The following R3HDM1 variants were observed in gnomAD, a reference collection of about 807,000 sequenced individuals.
R3HDM1 encodes the protein R3H domain-containing protein 1.
In R3HDM1, 46 loss-of-function variants were observed where a neutral mutation model predicts 141.1. The ratio of observed to expected loss-of-function variants is 0.33; its 90% CI spans 0.26 to 0.42. The LOEUF (loss-of-function observed/expected upper bound fraction) is 0.42. Among genes scored for constraint, R3HDM1 ranks in the 10% least tolerant of loss-of-function variants. The pLI is 1.00. For synonymous variants in R3HDM1, 435 were observed against 472.9 expected (o/e 0.92, Z 1.04); for missense variants, 1,184 against 1,368.3 (o/e 0.87, Z 2.12).
chr2:135,533,143 C>T (rs1695299274), intron 1 of R3HDM1, among the ~76,000 whole-genome samples: 1 of 152,046 alleles, frequency 6.6e-6, no homozygotes, highest in East Asian at 1.9e-4. Context: ...TTTGTGGTAT[C>T]TATTAAAAAA....
At chr2:135,660,122 G>A (rs549545495) in intron 18 of R3HDM1, among the ~76,000 whole-genome samples, 2 of 152,322 alleles carry the variant, frequency 1.3e-5, no homozygotes, top group South Asian at 4.1e-4. Flanking sequence ...TGAGCTAGCT[G>A]TATATGTTTC....
intron 18 of R3HDM1, among the ~76,000 whole-genome samples, chr2:135,656,253 G>T (rs1366695268): frequency 6.6e-6 from 1 of 151,682 alleles, no homozygotes; most frequent in Non-Finnish European, 1.5e-5. Context: ...TATCTTACTT[G>T]CAACCCCTAT....
intron 21 of R3HDM1, among the ~76,000 whole-genome samples, chr2:135,701,424 A>G (rs190370598): frequency 6.6e-6 from 1 of 152,228 alleles, no homozygotes; most frequent in East Asian, 1.9e-4. Context: ...AAGTAAATAT[A>G]TACACATGCA....
chr2:135,566,369 C>T (rs983041066), intron 1 of R3HDM1, among the ~76,000 whole-genome samples: 4 of 152,100 alleles, frequency 2.6e-5, no homozygotes, highest in African/African-American at 4.8e-5. Context: ...TCTTACATAG[C>T]GTCTTTATGT....
At chr2:135,650,793 T>G (rs944981470) in intron 17 of R3HDM1, 2 of 984,180 alleles carry the variant, frequency 2.0e-6, no homozygotes, top group African/African-American at 3.5e-5. Flanking sequence ...TAATTTACTT[T>G]GGAAAATCCA....
intron 7 of R3HDM1, among the ~76,000 whole-genome samples, chr2:135,624,264 G>A (rs1316427151): frequency 5.3e-5 from 8 of 152,124 alleles, no homozygotes; most frequent in African/African-American, 1.2e-4. Flanking sequence ...GTGTGGTGGC[G>A]GGTGCCTGTA....
rs1030691703 is a variant in R3HDM1 at position 135,719,159 on chromosome 2, T to TTTAA, written c.2882-2746_2882-2743dup. 4.4e-4 allele frequency among the ~76,000 whole-genome samples: 65 copies of TTTAA among 148,496 alleles called. 1 individual carries two copies. Among genetic ancestry groups the TTTAA allele is most frequent in the Middle Eastern group, 3.7e-3 (1 of 272 alleles). On this transcript the variant is annotated intron_variant, in intron 24 of 26. Coordinates refer to ENST00000683871, the MANE Select transcript of R3HDM1 (RefSeq NM_001378107.1). ...CAAGACTCCATCGCTAAATAAATAATTTAATTAATTAATTAATTAATTTAG... is the reference window on the plus strand; with the variant it reads ...CAAGACTCCATCGCTAAATAAATAATTTAATTAATTAATTAATTAATTAATTTAG...
At chr2:135,705,786 C>A (rs1680550234) in intron 21 of R3HDM1, among the ~76,000 whole-genome samples, 1 of 152,036 alleles carries the variant, frequency 6.6e-6, no homozygotes, top group Non-Finnish European at 1.5e-5. Flanking sequence ...AGGGGAATTT[C>A]TCTGAATTAC....
Position 135,724,679 on chromosome 2 carries a change from T to C in R3HDM1, c.*387T>C, listed in dbSNP as rs991157359. 1 of 159,012 alleles carries C rather than the reference T, an allele frequency of 6.3e-6. No homozygotes were observed. Among genetic ancestry groups the C allele is most frequent in the Non-Finnish European group, 1.4e-5 (1 of 72,506 alleles). 9.9% of individuals were successfully genotyped at this position (159,012 alleles called of 1,614,324 possible). ...GTATTTCTTTTTGCAGCCAGCACAA[T>C]GTGACCCAACTTAAAATTTGGGGGA... On this transcript the variant is annotated 3_prime_UTR_variant, in exon 27 of 27. Transcript: ENST00000683871.
chr2:135,694,045 A>G (rs1297871550), intron 21 of R3HDM1, among the ~76,000 whole-genome samples: 1 of 152,156 alleles, frequency 6.6e-6, no homozygotes, highest in Non-Finnish European at 1.5e-5. Context: ...GACAAAAAGG[A>G]ATGATTCTCT....
intron 1 of R3HDM1, among the ~76,000 whole-genome samples, chr2:135,552,050 AAAG>A (rs1699931118): frequency 1.3e-5 from 2 of 152,222 alleles, no homozygotes; most frequent in South Asian, 2.1e-4. Context: ...TTTATTTAGT[AAAG>A]AAGTTTTTGT....
chr2:135,592,048 A>C (rs1009213730), intron 1 of R3HDM1, among the ~76,000 whole-genome samples: 1 of 152,222 alleles, frequency 6.6e-6, no homozygotes, highest in Non-Finnish European at 1.5e-5. Context: ...TGGCCATGCA[A>C]TTGAATTCAA....
chr2:135,577,168 T>C (rs2105015488), intron 1 of R3HDM1: 2 of 983,310 alleles, frequency 2.0e-6, no homozygotes. Context: ...TTTTGGGCTA[T>C]GACTCAAAAT....
chr2:135,710,930 T>C (rs527602532), intron 23 of R3HDM1, among the ~76,000 whole-genome samples: 31 of 152,254 alleles, frequency 2.0e-4, no homozygotes, highest in Middle Eastern at 3.4e-3. Flanking sequence ...CCTAAAAATA[T>C]TAGATTAAAA....
intron 18 of R3HDM1, among the ~76,000 whole-genome samples, chr2:135,656,184 T>C (rs1187485320): frequency 1.3e-5 from 2 of 152,178 alleles, no homozygotes; most frequent in Non-Finnish European, 2.9e-5. Flanking sequence ...TTGAAACCTA[T>C]TTTATCTGAC....
chr2:135,608,786 T>A (rs1176665580), intron 3 of R3HDM1, among the ~76,000 whole-genome samples: 1 of 152,210 alleles, frequency 6.6e-6, no homozygotes, highest in Non-Finnish European at 1.5e-5. Context: ...GATTTTTGGA[T>A]AAACTATTAT....
intron 1 of R3HDM1, chr2:135,561,242 C>T (rs1426008676): frequency 2.1e-6 from 2 of 942,922 alleles, no homozygotes; most frequent in Non-Finnish European, 2.5e-6. Flanking sequence ...AACTTTGTAA[C>T]AAATTTTTCT....
intron 19 of R3HDM1, among the ~76,000 whole-genome samples, chr2:135,671,892 C>A (rs1457948250): frequency 1.3e-5 from 2 of 151,760 alleles, no homozygotes; most frequent in African/African-American, 4.8e-5. Flanking sequence ...ATGAGAATTA[C>A]TTAAACCCAG....
chr2:135,720,138 C>T (rs1340110826), intron 24 of R3HDM1, among the ~76,000 whole-genome samples: 10 of 152,180 alleles, frequency 6.6e-5, no homozygotes, highest in African/African-American at 1.4e-4. Flanking sequence ...CCACCGCGCC[C>T]GGCCTTCACA....
Sources: allele counts gnomAD v4.1 joint callset (sites outside exome capture counted in the v4.1 genomes callset), GRCh38; gene constraint gnomAD v4.1.1; transcripts MANE v1.5; gene names NCBI Gene and HGNC (gene_info 2026-07-23, HGNC 2026-07-21).